CWC27: variants seen among roughly 807,000 people sequenced by gnomAD.
CWC27 encodes CWC27 spliceosome associated cyclophilin, also known as spliceosome-associated protein CWC27 homolog.
Under a neutral mutation model 63.6 loss-of-function variants are expected in CWC27, and 47 were observed. That is an observed-to-expected ratio of 0.74 (90% confidence interval 0.58 to 0.94). CWC27 has a LOEUF of 0.94. CWC27 is among the 40% of genes least tolerant of loss of function. CWC27 has a pLI of 0.00. For missense variants in CWC27, 495 were observed against 554.3 expected (o/e 0.89, Z 1.07); for synonymous variants, 175 against 179.8 (o/e 0.97, Z 0.22).
chr5:64,797,259 T>C (rs971655788), intron 7 of CWC27, among the ~76,000 whole-genome samples: 2 of 152,158 alleles, frequency 1.3e-5, no homozygotes, highest in Non-Finnish European at 2.9e-5. Flanking sequence ...TTAAATTCAC[T>C]GTTACTTGAC....
chr5:64,894,874 A>G (rs1279963334), intron 11 of CWC27, among the ~76,000 whole-genome samples: 1 of 152,206 alleles, frequency 6.6e-6, no homozygotes, highest in African/African-American at 2.4e-5. Flanking sequence ...AGGTTTTCCC[A>G]AGGTAGCGAG....
At chr5:64,836,423 A>G (rs539431319) in intron 10 of CWC27, among the ~76,000 whole-genome samples, 2 of 151,984 alleles carry the variant, frequency 1.3e-5, no homozygotes, top group Non-Finnish European at 2.9e-5. Flanking sequence ...TTTTACTTTC[A>G]TTCAATTGTT....
intron 6 of CWC27, among the ~76,000 whole-genome samples, chr5:64,788,231 T>C (rs1219721495): frequency 6.6e-6 from 1 of 152,062 alleles, no homozygotes; most frequent in Non-Finnish European, 1.5e-5. Context: ...AACTCTAAAG[T>C]CTTTTTTTGG....
chr5:64,889,208 A>G (rs974473095), intron 11 of CWC27, among the ~76,000 whole-genome samples: 1 of 152,194 alleles, frequency 6.6e-6, no homozygotes, highest in Non-Finnish European at 1.5e-5. Flanking sequence ...ATAGAATCAT[A>G]GAACAAAAAA....
chr5:64,928,146 A>T (rs1451356818), intron 11 of CWC27, among the ~76,000 whole-genome samples: 2 of 144,368 alleles, frequency 1.4e-5, no homozygotes, highest in African/African-American at 2.6e-5. Flanking sequence ...TAAGAGTGAA[A>T]CTCCTTCTCA....
Position 64,838,124 on chromosome 5 carries a change from T to G in CWC27, c.938+33738T>G, listed in dbSNP as rs187243457. Among the ~76,000 whole-genome samples, 89 of 152,330 alleles carry G rather than the reference T, an allele frequency of 5.8e-4. 1 individual carries two copies. Among genetic ancestry groups the G allele is most frequent in the Non-Finnish European group, 1.1e-3 (73 of 68,022 alleles). On this transcript the variant is annotated intron_variant, in intron 10 of 13. Coordinates refer to ENST00000381070, the MANE Select transcript of CWC27 (RefSeq NM_005869.4). ...ACTTATTTGATCAAAGTCATTAGAT[T>G]GCTTTTACTATCTTAGTTTTCCTCT...
intron 11 of CWC27, among the ~76,000 whole-genome samples, chr5:64,907,527 T>C (rs917267276): frequency 6.6e-6 from 1 of 152,246 alleles, no homozygotes; most frequent in African/African-American, 2.4e-5. Context: ...TCCTGAGACT[T>C]TGCTGAAGTT....
At chr5:64,900,857 TTACTA>T (rs1747486649) in intron 11 of CWC27, among the ~76,000 whole-genome samples, 1 of 152,172 alleles carries the variant, frequency 6.6e-6, no homozygotes, top group Admixed American at 6.5e-5. Flanking sequence ...ATAGTATAGT[TTACTA>T]TACACCTAGG....
intron 7 of CWC27, among the ~76,000 whole-genome samples, chr5:64,793,509 A>C (rs1172537338): frequency 6.6e-6 from 1 of 152,122 alleles, no homozygotes; most frequent in Non-Finnish European, 1.5e-5. Context: ...ACAGTTTTTT[A>C]CACTACCAGC....
intron 10 of CWC27, 53 bp from the exon 11 acceptor site, chr5:64,885,390 C>T: frequency 1.6e-6 from 2 of 1,285,354 alleles, no homozygotes; most frequent in Non-Finnish European, 2.1e-6. Context: ...TTTTGCTAAA[C>T]AACTTTTACT....
At chr5:64,983,787 A>T (rs1427246067) in intron 13 of CWC27, among the ~76,000 whole-genome samples, 2 of 151,864 alleles carry the variant, frequency 1.3e-5, no homozygotes, top group Non-Finnish European at 2.9e-5. Context: ...ACTTTTCTAA[A>T]TTTTTTCTCA....
chr5:64,784,045 A>C, intron 4 of CWC27, 66 bp downstream of exon 4: 1 of 1,330,732 alleles, frequency 7.5e-7, no homozygotes, highest in Non-Finnish European at 1.0e-6. Flanking sequence ...TTAGACTTCT[A>C]AGATACATAT....
intron 13 of CWC27, among the ~76,000 whole-genome samples, chr5:64,984,681 T>C (rs1286051384): frequency 6.6e-6 from 1 of 152,244 alleles, no homozygotes; most frequent in Non-Finnish European, 1.5e-5. Context: ...AAGAGTTCTC[T>C]GTATAATCTA....
intron 7 of CWC27, among the ~76,000 whole-genome samples, chr5:64,790,821 A>G (rs994797225): frequency 1.3e-5 from 2 of 152,176 alleles, no homozygotes; most frequent in African/African-American, 2.4e-5. Flanking sequence ...CCCTATAACA[A>G]CCATGCAATA....
At chr5:64,789,875 C>A (rs890642185) in intron 7 of CWC27, among the ~76,000 whole-genome samples, 1 of 152,042 alleles carries the variant, frequency 6.6e-6, no homozygotes, top group African/African-American at 2.4e-5. Flanking sequence ...AACCTATAAG[C>A]CTTACTTGCT....
chr5:64,888,746 A>G (rs1385988736), intron 11 of CWC27, among the ~76,000 whole-genome samples: 1 of 152,008 alleles, frequency 6.6e-6, no homozygotes. Flanking sequence ...AACTGTTGCC[A>G]ATAAGCAAGA....
intron 10 of CWC27, among the ~76,000 whole-genome samples, chr5:64,875,266 A>G (rs1477283289): frequency 6.6e-6 from 1 of 152,146 alleles, no homozygotes; most frequent in African/African-American, 2.4e-5. Flanking sequence ...AAGGAGTAAG[A>G]TTGTAAGTTT....
intron 10 of CWC27, among the ~76,000 whole-genome samples, chr5:64,818,584 G>A (rs1307214500): frequency 6.6e-6 from 1 of 152,162 alleles, no homozygotes; most frequent in Admixed American, 6.6e-5. Flanking sequence ...AAAGACTAGG[G>A]TGTTATGGGA....
intron 11 of CWC27, among the ~76,000 whole-genome samples, chr5:64,894,505 C>T (rs114495411): frequency 0.013 from 1,921 of 152,166 alleles, 40 homozygotes; most frequent in African/African-American, 0.037. Context: ...ACATTATTAT[C>T]ATAAATCTAC....
Sources: gnomAD v4.1 joint callset for allele counts (sites outside exome capture counted in the v4.1 genomes callset) on GRCh38, gnomAD v4.1.1 for gene constraint, MANE v1.5 for transcripts, NCBI Gene and HGNC (gene_info 2026-07-23, HGNC 2026-07-21) for gene names.